The following KCNIP3 variants were observed in gnomAD, a reference collection of about 807,000 sequenced individuals.
KCNIP3 encodes the protein potassium voltage-gated channel interacting protein 3, also known as calsenilin.
KCNIP3 carries 28 observed loss-of-function variants against 35.0 expected under a neutral mutation model. The observed-to-expected ratio is 0.80, with a 90% CI of 0.59 to 1.10. KCNIP3 has a LOEUF of 1.10. Ranked by LOEUF, KCNIP3 falls within the 50% of genes least tolerant of loss-of-function variation. The pLI is 0.00. For missense variants in KCNIP3, 295 were observed against 338.4 expected (o/e 0.87, Z 1.01); for synonymous variants, 134 against 133.8 (o/e 1.00, Z -0.01).
chr2:95,353,633 A>G (rs1679581763), intron 2 of KCNIP3, among the ~76,000 whole-genome samples: 1 of 152,134 alleles, frequency 6.6e-6, no homozygotes, highest in Admixed American at 6.5e-5. Context: ...CACTTTGGAA[A>G]AGTTGAAAGA....
intron 2 of KCNIP3, among the ~76,000 whole-genome samples, chr2:95,325,399 G>A (rs1678711017): frequency 6.6e-6 from 1 of 152,176 alleles, no homozygotes; most frequent in African/African-American, 2.4e-5. Flanking sequence ...AAGAACACAA[G>A]AGGACAGTCA....
intron 2 of KCNIP3, among the ~76,000 whole-genome samples, chr2:95,359,788 C>T (rs1679745156): frequency 6.6e-6 from 1 of 152,262 alleles, no homozygotes; most frequent in Non-Finnish European, 1.5e-5. Flanking sequence ...TTACTGCTTG[C>T]CCTCTGGAGC....
chr2:95,329,004 C>T (rs1678863627), intron 2 of KCNIP3, among the ~76,000 whole-genome samples: 1 of 152,168 alleles, frequency 6.6e-6, no homozygotes, highest in Admixed American at 6.5e-5. Context: ...CAGTGTAGCC[C>T]AGCGGTTCCT....
In KCNIP3 at chr2:95,374,389, A is replaced by G. The variant is rs1680119334; in HGVS notation, c.275A>G (p.Glu92Gly). 1 of 1,614,180 alleles carries G rather than the reference A, an allele frequency of 6.2e-7. No individual in the cohort carries two copies. Among genetic ancestry groups the G allele is most frequent in the Non-Finnish European group, 8.5e-7 (1 of 1,180,008 alleles). Residue 92 changes from glutamate to glycine, a missense_variant, in exon 3 of 9, where the codon GAG (glutamate) becomes GGG (glycine). By Grantham distance (98) the Glu-to-Gly change is moderately conservative. Transcript: ENST00000295225. ...GCCCAGACCAAGTTCACCAAGAAGG[A>G]GCTGCAGTCTCTCTACAGGGGCTTT... The part of the protein sequence containing the change: ...LQAQTKFTKK[E>G]LQSLYRGFKN...
At position 95,381,667 on chromosome 2, in the gene KCNIP3, C is replaced by T. The variant is rs147356740; in HGVS notation, c.519C>T (p.Leu173=). 7 of 1,614,076 alleles carry T rather than the reference C, an allele frequency of 4.3e-6. No homozygotes were observed. The highest frequency in any genetic ancestry group is 2.2e-5 in the East Asian group (1 of 44,878). The change falls in exon 6 of 9, where the codon CTC becomes CTT. Residue 173 remains leucine (L), a synonymous_variant. Transcript: ENST00000295225. ...VHEKLKWAFN[L]YDINKDGYIT... ...AGAAGCTCAAGTGGGCCTTTAATCT[C>T]TACGACATTAACAAGGATGGCTACA...
chr2:95,325,870 TACACTCAGACATACAC>T (rs1678750800), intron 2 of KCNIP3, among the ~76,000 whole-genome samples: 1 of 135,220 alleles, frequency 7.4e-6, no homozygotes, highest in African/African-American at 2.9e-5. Flanking sequence ...CAGGCACACA[TACACTCAGACATACAC>T]ACACTCATAG....
rs928074693 is a variant in KCNIP3 at position 95,385,934 on chromosome 2, C to A, written c.*1885C>A. 1.3e-5 allele frequency: 2 copies of A among 152,516 alleles called. No homozygotes were observed. The highest frequency in any genetic ancestry group is 1.3e-4 in the Admixed American group (2 of 15,288). The allele number at this position is 152,516 out of a possible 1,614,324, so 9.4% of individuals were successfully genotyped here. On this transcript the variant is annotated 3_prime_UTR_variant, in exon 9 of 9. Coordinates refer to ENST00000295225, the MANE Select transcript of KCNIP3 (RefSeq NM_013434.5). ...GCACAGCCCAACCAGGAGGGGTCTG[C>A]CTCCCACGCTGGGACACAGACCGGC...
At chr2:95,310,079 G>A (rs1678271111) in intron 1 of KCNIP3, 1 of 569,376 alleles carries the variant, frequency 1.8e-6, no homozygotes. Flanking sequence ...CAATGAGTAA[G>A]TCTGGGATCA....
At chr2:95,316,549 A>G (rs1678465813) in intron 2 of KCNIP3, among the ~76,000 whole-genome samples, 2 of 152,116 alleles carry the variant, frequency 1.3e-5, no homozygotes, top group Admixed American at 6.5e-5. Flanking sequence ...CGTTCCCCTC[A>G]CTGTGGCAAT....
At chr2:95,379,584 C>T (rs1680286971) in intron 5 of KCNIP3, among the ~76,000 whole-genome samples, 1 of 152,238 alleles carries the variant, frequency 6.6e-6, no homozygotes, top group Non-Finnish European at 1.5e-5. Context: ...CAGCTGCTTC[C>T]TATAAAAGAG....
At chr2:95,325,057 G>A (rs1200344002) in intron 2 of KCNIP3, among the ~76,000 whole-genome samples, 1 of 152,234 alleles carries the variant, frequency 6.6e-6, no homozygotes, top group Non-Finnish European at 1.5e-5. Flanking sequence ...TGCTGGCTGA[G>A]CGACAGGCAG....
rs1464015362 is a variant in KCNIP3, at chr2:95,382,239, G to C, written c.556-138G>C. On this transcript the variant is annotated intron_variant, in intron 6 of 8. Coordinates refer to ENST00000295225, the MANE Select transcript of KCNIP3 (RefSeq NM_013434.5). The surrounding 1 kb of genome is among the most constrained non-coding windows in gnomAD (Gnocchi z 4.5). ...CTCTGGGTGCCCTGGAAGCGGACAG[G>C]CTTCTCTCTCCAGCTCGTCCGGCCC... 1 of 497,994 alleles carries C rather than the reference G, an allele frequency of 2.0e-6. No individual in the cohort carries two copies. The highest frequency in any genetic ancestry group is 3.8e-5 in the Admixed American group (1 of 26,366). 30.8% of individuals were successfully genotyped at this position (497,994 alleles called of 1,614,324 possible).
chr2:95,330,058 C>T (rs1054142769), intron 2 of KCNIP3, among the ~76,000 whole-genome samples: 4 of 152,344 alleles, frequency 2.6e-5, no homozygotes, highest in East Asian at 1.9e-4. Flanking sequence ...CCCTCACCTC[C>T]GGCCGCAGCC....
chr2:95,382,391 C>T lies in KCNIP3; in HGVS notation c.570C>T (p.Ile190=), dbSNP rs371878238. The T allele has an allele frequency of 1.1e-4, 174 of 1,594,390 alleles. No individual in the cohort carries two copies. The Middle Eastern group carries it at 1.2e-3, about 11-fold the overall frequency. The change falls in exon 7 of 9, where the codon ATC becomes ATT. Residue 190 remains isoleucine, a synonymous_variant. Transcript: ENST00000295225. The surrounding 1 kb of genome is among the most constrained non-coding windows in gnomAD (Gnocchi z 4.5). ...GYITKEEMLA[I]MKSIYDMMGR... ...TCCCCCTCCAGGAGATGCTGGCCAT[C>T]ATGAAGTCCATCTATGACATGATGG...
chr2:95,326,099 A>ATT (rs1553443774), intron 2 of KCNIP3, among the ~76,000 whole-genome samples: 64 of 151,702 alleles, frequency 4.2e-4, no homozygotes, highest in African/African-American at 1.4e-3. Flanking sequence ...ACACATACAC[A>ATT]CATATACACA....
At chr2:95,318,789 G>A (rs1349652821) in intron 2 of KCNIP3, among the ~76,000 whole-genome samples, 6 of 152,262 alleles carry the variant, frequency 3.9e-5, no homozygotes, top group Non-Finnish European at 7.3e-5. Flanking sequence ...AGCAAGTGCT[G>A]TGGGGACGCG....
intron 2 of KCNIP3, among the ~76,000 whole-genome samples, chr2:95,321,660 G>A (rs1241067780): frequency 2.0e-5 from 3 of 152,156 alleles, no homozygotes; most frequent in Admixed American, 6.5e-5. Flanking sequence ...AGAGAAACAC[G>A]GGGCTCTTTA....
chr2:95,340,169 C>T (rs573566250), intron 2 of KCNIP3, among the ~76,000 whole-genome samples: 54 of 152,312 alleles, frequency 3.5e-4, no homozygotes, highest in Admixed American at 3.1e-3. Flanking sequence ...GAAACCCTGT[C>T]TCTACTAAAA....
At chr2:95,305,812 G>A (rs1483356304) in intron 1 of KCNIP3, among the ~76,000 whole-genome samples, 1 of 152,186 alleles carries the variant, frequency 6.6e-6, no homozygotes, top group Non-Finnish European at 1.5e-5. Context: ...CGCAGGTGTG[G>A]TGTGCGCCAA....
Sources: allele counts gnomAD v4.1 joint callset (sites outside exome capture counted in the v4.1 genomes callset), GRCh38; gene constraint gnomAD v4.1.1; non-coding constraint Gnocchi (gnomAD v3.1); transcripts MANE v1.5; gene names NCBI Gene and HGNC (gene_info 2026-07-23, HGNC 2026-07-21).